SRGAP2: variants seen among roughly 807,000 people sequenced by gnomAD.
The protein encoded by SRGAP2 is SLIT-ROBO Rho GTPase activating protein 2.
Under a neutral mutation model 57.2 loss-of-function variants are expected in SRGAP2, and 15 were observed. The ratio of observed to expected loss-of-function variants is 0.26; its 90% CI spans 0.18 to 0.40. The LOEUF is 0.40. SRGAP2 is among the 10% of genes least tolerant of loss of function. The probability of loss-of-function intolerance (pLI) is 1.00; values close to 1 mark genes in which losing one functional copy is unlikely to be tolerated. For missense variants in SRGAP2, 520 were observed against 669.6 expected (o/e 0.78, Z 2.47); for synonymous variants, 249 against 248.0 (o/e 1.00, Z -0.04).
intron 4 of SRGAP2, among the ~76,000 whole-genome samples, chr1:206,378,596 G>A (rs1225525567): frequency 1.3e-5 from 2 of 152,190 alleles, no homozygotes; most frequent in Non-Finnish European, 2.9e-5. Flanking sequence ...GTGGGGTCTT[G>A]GAGAACTTTT....
At chr1:206,446,704 G>T (rs1662786432) in intron 18 of SRGAP2, among the ~76,000 whole-genome samples, 1 of 152,130 alleles carries the variant, frequency 6.6e-6, no homozygotes, top group African/African-American at 2.4e-5. Flanking sequence ...CCTTCCTTTT[G>T]GGAAGAGTTT....
rs1269062220 is a variant in SRGAP2, at chr1:206,273,923, A to G, written c.68-29358A>G. Among the ~76,000 whole-genome samples, 5 of 148,030 alleles carry G rather than the reference A, an allele frequency of 3.4e-5. No homozygotes were observed. In the East Asian group the frequency reaches 8.0e-4, roughly 24 times the overall value. On this transcript the variant is annotated intron_variant, in intron 2 of 22. Transcript: ENST00000573034. ...GCTTTGCAGACTTCCCTTGTTCCCA[A>G]TTTCTTGGATTTTTTTTTTCTATCC...
intron 2 of SRGAP2, among the ~76,000 whole-genome samples, chr1:206,266,575 G>A (rs1385757199): frequency 6.6e-6 from 1 of 152,068 alleles, no homozygotes; most frequent in Non-Finnish European, 1.5e-5. Flanking sequence ...AATATGATGA[G>A]ATGCCTGGAC....
intron 8 of SRGAP2, among the ~76,000 whole-genome samples, chr1:206,402,396 G>A (rs1404821717): frequency 6.6e-6 from 1 of 152,122 alleles, no homozygotes; most frequent in African/African-American, 2.4e-5. Flanking sequence ...GAAGCTCCTC[G>A]GTTTTCATTG....
At chr1:206,421,179 T>C in intron 12 of SRGAP2, 71 bp from the exon 13 acceptor site, 1 of 733,528 alleles carries the variant, frequency 1.4e-6, no homozygotes, top group Non-Finnish European at 2.5e-6. Context: ...TTTATCTCAT[T>C]CGTCCCAATT....
At chr1:206,442,350 A>C (rs1474554790) in intron 17 of SRGAP2, among the ~76,000 whole-genome samples, 2 of 152,208 alleles carry the variant, frequency 1.3e-5, no homozygotes, top group East Asian at 1.9e-4. Flanking sequence ...AAACTCTGCT[A>C]ATTACTCTCG....
chr1:206,371,574 C>CA (rs1654550986), intron 4 of SRGAP2, among the ~76,000 whole-genome samples: 1 of 149,738 alleles, frequency 6.7e-6, no homozygotes. Context: ...ACTAAAAATA[C>CA]AAAAAAATTA....
chr1:206,341,970 C>T (rs545274141), intron 3 of SRGAP2, among the ~76,000 whole-genome samples: 2 of 152,172 alleles, frequency 1.3e-5, no homozygotes, highest in Non-Finnish European at 2.9e-5. Context: ...TGTACTCCAG[C>T]CTGGGTGACA....
At chr1:206,309,069 G>A (rs1672426995) in intron 3 of SRGAP2, among the ~76,000 whole-genome samples, 1 of 142,898 alleles carries the variant, frequency 7.0e-6, no homozygotes, top group African/African-American at 2.8e-5. Flanking sequence ...CTTCTCAGGA[G>A]GTGGGAAGAT....
chr1:206,459,386 C>T (rs919626057), intron 22 of SRGAP2, among the ~76,000 whole-genome samples: 6 of 148,506 alleles, frequency 4.0e-5, no homozygotes, highest in African/African-American at 7.9e-5. Context: ...TCTCTGGTAC[C>T]GAATGGGTAG....
chr1:206,431,110 G>T (rs1262757037), intron 14 of SRGAP2, among the ~76,000 whole-genome samples: 2 of 152,086 alleles, frequency 1.3e-5, no homozygotes, highest in African/African-American at 4.8e-5. Context: ...TTCTCTCCCT[G>T]TAAACTGGGA....
chr1:206,453,130 C>T (rs1553376636), intron 19 of SRGAP2, 70 bp from the exon 20 acceptor site: 12 of 455,302 alleles, frequency 2.6e-5, no homozygotes, highest in Non-Finnish European at 3.7e-5. Flanking sequence ...GCTAATTCAG[C>T]TTTTCCACCC....
chr1:206,353,301 A>G (rs569790954), intron 4 of SRGAP2, among the ~76,000 whole-genome samples: 72 of 151,896 alleles, frequency 4.7e-4, no homozygotes, highest in Admixed American at 1.8e-3. Context: ...TATTCTGTCC[A>G]TTTTTTTCAA....
chr1:206,325,830 T>G (rs1245207491), intron 3 of SRGAP2, among the ~76,000 whole-genome samples: 1 of 152,176 alleles, frequency 6.6e-6, no homozygotes, highest in African/African-American at 2.4e-5. Flanking sequence ...GACATGCTGA[T>G]TTGAAAGGCA....
chr1:206,441,938 TC>T (rs1553372196), intron 17 of SRGAP2, among the ~76,000 whole-genome samples: 6 of 152,234 alleles, frequency 3.9e-5, no homozygotes, highest in Admixed American at 2.0e-4. Context: ...CATGAATCTA[TC>T]AGAGTAGGGG....
chr1:206,414,118 G>T (rs182581095), intron 10 of SRGAP2, among the ~76,000 whole-genome samples: 1 of 147,834 alleles, frequency 6.8e-6, no homozygotes, highest in Admixed American at 6.8e-5. Flanking sequence ...TGCAAGCTCC[G>T]CCTCCCAGGT....
intron 5 of SRGAP2, among the ~76,000 whole-genome samples, chr1:206,385,879 G>GCA (rs1558372686): frequency 6.6e-6 from 1 of 152,106 alleles, no homozygotes; most frequent in Non-Finnish European, 1.5e-5. Context: ...TTGCCTGAGT[G>GCA]TGGTATCCCC....
chr1:206,303,659 G>A (rs1453952980), intron 3 of SRGAP2, among the ~76,000 whole-genome samples, 186 bp downstream of exon 3: 1 of 152,208 alleles, frequency 6.6e-6, no homozygotes, highest in Non-Finnish European at 1.5e-5. Context: ...TCGTAGAGAT[G>A]AGAGTAGATG....
At chr1:206,457,839 C>G (rs1210942199) in intron 21 of SRGAP2, among the ~76,000 whole-genome samples, 2 of 152,210 alleles carry the variant, frequency 1.3e-5, no homozygotes, top group Non-Finnish European at 2.9e-5. Context: ...CCATCCAAAT[C>G]AGAAGTTTCA....
Sources: gnomAD v4.1 joint callset for allele counts (sites outside exome capture counted in the v4.1 genomes callset) on GRCh38, gnomAD v4.1.1 for gene constraint, MANE v1.5 for transcripts, NCBI Gene and HGNC (gene_info 2026-07-23, HGNC 2026-07-21) for gene names.